Variants in KCND2 observed in about 807,000 individuals in gnomAD.
KCND2 encodes the protein A-type voltage-gated potassium channel KCND2.
Under a neutral mutation model 54.4 loss-of-function variants are expected in KCND2, and 16 were observed. The observed-to-expected ratio is 0.29, with a 90% CI of 0.20 to 0.45. KCND2 has a LOEUF of 0.45. KCND2 is among the 20% of genes least tolerant of loss of function. The pLI is 1.00. For synonymous variants in KCND2, 317 were observed against 310.7 expected, an observed-to-expected ratio of 1.02 and a Z score of -0.21; for missense variants, 486 against 824.2, an observed-to-expected ratio of 0.59 and a Z score of 5.02.
intron 1 of KCND2, among the ~76,000 whole-genome samples, chr7:120,556,773 C>A (rs1360092430): frequency 6.6e-6 from 1 of 152,012 alleles, no homozygotes; most frequent in Non-Finnish European, 1.5e-5. Context: ...CCTAGACTTA[C>A]AATATTAATA....
At chr7:120,373,536 T>A (rs569309458) in intron 1 of KCND2, among the ~76,000 whole-genome samples, 66 of 151,986 alleles carry the variant, frequency 4.3e-4, no homozygotes, top group African/African-American at 1.6e-3. Context: ...TTCTGGAATA[T>A]CTGTGCTGTT....
At chr7:120,358,328 A>G (rs575925414) in intron 1 of KCND2, among the ~76,000 whole-genome samples, 2 of 152,198 alleles carry the variant, frequency 1.3e-5, no homozygotes, top group East Asian at 3.9e-4. Flanking sequence ...ACTCATAGGT[A>G]AGTCTAACAG....
At chr7:120,304,405 T>G (rs184661426) in intron 1 of KCND2, among the ~76,000 whole-genome samples, 1 of 152,310 alleles carries the variant, frequency 6.6e-6, no homozygotes, top group Non-Finnish European at 1.5e-5. Flanking sequence ...CATAAGATTT[T>G]TCTTGGTGAG....
chr7:120,598,626 A>G (rs1792777124), intron 1 of KCND2, among the ~76,000 whole-genome samples: 1 of 152,038 alleles, frequency 6.6e-6, no homozygotes, highest in Admixed American at 6.6e-5. Flanking sequence ...CACTTTAGAC[A>G]AGTAGTTTTT....
chr7:120,566,562 T>C (rs530302252), intron 1 of KCND2, among the ~76,000 whole-genome samples: 26 of 152,180 alleles, frequency 1.7e-4, no homozygotes, highest in South Asian at 1.2e-3. Flanking sequence ...CCCAGGCTGA[T>C]CTCCAACCCC....
chr7:120,460,635 G>T (rs1045881179), intron 1 of KCND2, among the ~76,000 whole-genome samples: 5 of 140,934 alleles, frequency 3.5e-5, no homozygotes, highest in Middle Eastern at 3.8e-3. Context: ...CATTTATTTC[G>T]AACCTGTTTA....
chr7:120,274,506 A>C lies in KCND2; in HGVS notation c.-127A>C. The C allele has an allele frequency of 9.7e-7, 1 of 1,028,358 alleles. No homozygotes were observed. The highest frequency in any genetic ancestry group is 1.8e-5 in the Admixed American group (1 of 56,884). The allele number at this position is 1,028,358 out of a possible 1,614,324, so 63.7% of individuals were successfully genotyped here. A position where few individuals can be genotyped will look rare whatever the true frequency, so the allele number is the denominator to read the frequency against. On this transcript the variant is annotated 5_prime_UTR_variant, in exon 1 of 6. Transcript: ENST00000331113. Reference sequence around the variant, plus strand: ...ACCAGGAGCCCTATCTTGGAATAAGAGTTACACCTCTGGACCACGTTTCTC... The same window carrying C: ...ACCAGGAGCCCTATCTTGGAATAAGCGTTACACCTCTGGACCACGTTTCTC...
intron 1 of KCND2, among the ~76,000 whole-genome samples, chr7:120,359,021 C>A (rs1455614671): frequency 6.6e-6 from 1 of 152,098 alleles, no homozygotes; most frequent in Non-Finnish European, 1.5e-5. Flanking sequence ...AAAGAGAAAC[C>A]CTTACAGGCC....
Position 120,748,184 on chromosome 7 carries a change from C to A in KCND2, c.*326C>A. Reference sequence around the variant, plus strand: ...ACATAAATCGTTGAACATAATGTTCCAGTTGAATGCAAAACAAAAAAAATA... The same window carrying A: ...ACATAAATCGTTGAACATAATGTTCAAGTTGAATGCAAAACAAAAAAAATA... On this transcript the variant is annotated 3_prime_UTR_variant, in exon 6 of 6. Transcript: ENST00000331113. 1 of 176,094 alleles carries A rather than the reference C, an allele frequency of 5.7e-6. No homozygotes were observed. The highest frequency in any genetic ancestry group is 1.2e-5 in the Non-Finnish European group (1 of 83,290). The allele number at this position is 176,094 out of a possible 1,614,324, so 10.9% of individuals were successfully genotyped here. A position where few individuals can be genotyped will look rare whatever the true frequency, so the allele number is the denominator to read the frequency against.
chr7:120,513,300 A>C (rs528388628), intron 1 of KCND2, among the ~76,000 whole-genome samples: 1 of 152,250 alleles, frequency 6.6e-6, no homozygotes, highest in South Asian at 2.1e-4. Flanking sequence ...ACCTTAAAAG[A>C]CTTTGAAGTC....
intron 1 of KCND2, among the ~76,000 whole-genome samples, chr7:120,631,321 G>A (rs991259622): frequency 1.3e-5 from 2 of 152,144 alleles, no homozygotes; most frequent in Admixed American, 6.5e-5. Context: ...TATTCAGATA[G>A]TCAATTTCAA....
chr7:120,669,958 A>G (rs1584876836), intron 1 of KCND2, among the ~76,000 whole-genome samples: 1 of 152,124 alleles, frequency 6.6e-6, no homozygotes, highest in Middle Eastern at 3.4e-3. Flanking sequence ...GATAAAGATA[A>G]AGATATGTTA....
intron 1 of KCND2, among the ~76,000 whole-genome samples, chr7:120,282,222 A>G (rs1173563099): frequency 2.0e-5 from 3 of 152,136 alleles, no homozygotes; most frequent in East Asian, 1.9e-4. Context: ...GTCAACAGAT[A>G]CTTTGATGAT....
At chr7:120,598,570 CA>C (rs1211769285) in intron 1 of KCND2, among the ~76,000 whole-genome samples, 31 of 7,624 alleles carry the variant, frequency 4.1e-3, no homozygotes, top group African/African-American at 0.021. Flanking sequence ...CTTGGTGGGG[CA>C]GGGGGGGCGG....
chr7:120,721,221 G>T (rs1437007619), intron 1 of KCND2, among the ~76,000 whole-genome samples: 2 of 152,058 alleles, frequency 1.3e-5, no homozygotes, highest in African/African-American at 4.8e-5. Flanking sequence ...CAACCACAGG[G>T]CATATTCATA....
chr7:120,320,298 C>T (rs190940369), intron 1 of KCND2, among the ~76,000 whole-genome samples: 1 of 152,226 alleles, frequency 6.6e-6, no homozygotes, highest in Admixed American at 6.6e-5. Context: ...AGATTAACTT[C>T]TATAAGAAGT....
chr7:120,571,639 A>C (rs985262168), intron 1 of KCND2, among the ~76,000 whole-genome samples: 1 of 152,214 alleles, frequency 6.6e-6, no homozygotes, highest in African/African-American at 2.4e-5. Context: ...GCCCCTCTGC[A>C]TGTTTAACAT....
intron 1 of KCND2, among the ~76,000 whole-genome samples, chr7:120,356,927 G>A (rs1584745111): frequency 2.0e-5 from 3 of 152,200 alleles, no homozygotes; most frequent in East Asian, 3.9e-4. Flanking sequence ...GACAAGCTAT[G>A]TGACCATGTG....
chr7:120,723,171 C>T (rs894786131), intron 1 of KCND2, among the ~76,000 whole-genome samples: 20 of 152,116 alleles, frequency 1.3e-4, no homozygotes, highest in African/African-American at 2.9e-4. Flanking sequence ...CCTCTTGGGA[C>T]GGAAAACCAA....
Sources: gnomAD v4.1 joint callset for allele counts (sites outside exome capture counted in the v4.1 genomes callset) on GRCh38, gnomAD v4.1.1 for gene constraint, MANE v1.5 for transcripts, NCBI Gene and HGNC (gene_info 2026-07-23, HGNC 2026-07-21) for gene names.